PPP2R2B: variants seen among roughly 807,000 people sequenced by gnomAD.
The protein encoded by PPP2R2B is protein phosphatase 2 regulatory subunit Bbeta, also known as serine/threonine-protein phosphatase 2A 55 kDa regulatory subunit B beta isoform.
Under a neutral mutation model 46.0 loss-of-function variants are expected in PPP2R2B, and 5 were observed. That is an observed-to-expected ratio of 0.11 (90% CI 0.06 to 0.23). The LOEUF (loss-of-function observed/expected upper bound fraction) is 0.23, where lower values mean the gene tolerates loss of function less well. PPP2R2B is among the 10% of genes least tolerant of loss of function. The pLI, the probability that PPP2R2B is intolerant of heterozygous loss-of-function variation, is 1.00. For missense variants in PPP2R2B, 367 were observed against 575.0 expected (o/e 0.64, Z 3.70); for synonymous variants, 215 against 206.7 (o/e 1.04, Z -0.34).
At chr5:146,746,646 C>A (rs893439458) in intron 2 of PPP2R2B, among the ~76,000 whole-genome samples, 2 of 152,190 alleles carry the variant, frequency 1.3e-5, no homozygotes, top group African/African-American at 2.4e-5. Context: ...CTTGCGCTAC[C>A]CCTGCTATCC....
At position 146,878,343 on chromosome 5, in the gene PPP2R2B, G is replaced by T. The variant is rs902681537; in HGVS notation, c.-124-148C>A. 9.0e-6 allele frequency: 13 copies of T among 1,436,942 alleles called. No individual in the cohort carries two copies. Among genetic ancestry groups the T allele is most frequent in the African/African-American group, 5.7e-5 (4 of 69,590 alleles). 89.0% of individuals were successfully genotyped at this position (1,436,942 alleles called of 1,614,324 possible). A position where few individuals can be genotyped will look rare whatever the true frequency, so the allele number is the denominator to read the frequency against. On this transcript the variant is annotated intron_variant, in intron 1 of 9. Transcript: ENST00000394411. This position sits in a 1 kb window ranked among gnomAD's most constrained non-coding sequence, Gnocchi z 4.5. The stretch of plus-strand genomic sequence containing the variant: ...CTCCAGTTCCCAGCGAGGATGCTGC[G>T]CCTGCCTCCGCTGCCTCCGGGTGCC...
chr5:146,881,419 T>C (rs1363716582), upstream of PPP2R2B, among the ~76,000 whole-genome samples: 1 of 152,174 alleles, frequency 6.6e-6, no homozygotes, highest in Non-Finnish European at 1.5e-5. Flanking sequence ...TTATTTTATT[T>C]ATTTTATTTT....
At chr5:147,008,692 G>A (rs1204457663) in intron 1 of PPP2R2B, among the ~76,000 whole-genome samples, 2 of 152,116 alleles carry the variant, frequency 1.3e-5, no homozygotes, top group Non-Finnish European at 2.9e-5. Flanking sequence ...CTATGTCCCT[G>A]TGGTTGTTAC....
At chr5:146,603,086 A>C (rs1771936843) in intron 7 of PPP2R2B, among the ~76,000 whole-genome samples, 1 of 152,132 alleles carries the variant, frequency 6.6e-6, no homozygotes, top group Non-Finnish European at 1.5e-5. Flanking sequence ...TTACTACTCC[A>C]GCTTTAGTTT....
chr5:147,028,552 A>G (rs1273753527), intron 1 of PPP2R2B, among the ~76,000 whole-genome samples: 1 of 152,218 alleles, frequency 6.6e-6, no homozygotes. Context: ...TGTCCTTTGT[A>G]TAAATATCTC....
At chr5:146,744,846 A>G (rs534313544) in intron 2 of PPP2R2B, among the ~76,000 whole-genome samples, 2 of 152,230 alleles carry the variant, frequency 1.3e-5, no homozygotes, top group East Asian at 3.9e-4. Flanking sequence ...TCCTACTTTC[A>G]TGGTCATTCA....
At chr5:146,706,418 T>C (rs1581918947) in intron 2 of PPP2R2B, 4 of 904,050 alleles carry the variant, frequency 4.4e-6, no homozygotes, top group East Asian at 7.1e-5. Flanking sequence ...GGTCTTCGTA[T>C]GGATACTCAT....
chr5:146,695,206 T>C (rs1779105242), intron 4 of PPP2R2B, among the ~76,000 whole-genome samples: 1 of 152,176 alleles, frequency 6.6e-6, no homozygotes, highest in African/African-American at 2.4e-5. Flanking sequence ...AATTTATTTG[T>C]ATCTTTTTGC....
At chr5:146,983,211 T>C (rs575003399) in intron 1 of PPP2R2B, among the ~76,000 whole-genome samples, 110 of 123,806 alleles carry the variant, frequency 8.9e-4, no homozygotes, top group South Asian at 4.1e-3. Context: ...GACGGAGTCT[T>C]GCTCTGTCCC....
intron 1 of PPP2R2B, among the ~76,000 whole-genome samples, chr5:146,900,780 C>T (rs1295914576): frequency 2.0e-5 from 3 of 152,004 alleles, no homozygotes; most frequent in South Asian, 4.2e-4. Context: ...TAATGCCCCC[C>T]TCTCCCCGTG....
chr5:146,750,890 G>T (rs1451994077), intron 2 of PPP2R2B, among the ~76,000 whole-genome samples: 1 of 152,162 alleles, frequency 6.6e-6, no homozygotes, highest in East Asian at 1.9e-4. Context: ...CTCAGAATTA[G>T]AGACAACAAA....
At chr5:146,814,208 C>T (rs1372966689) in intron 2 of PPP2R2B, among the ~76,000 whole-genome samples, 2 of 151,118 alleles carry the variant, frequency 1.3e-5, no homozygotes, top group African/African-American at 2.4e-5. Context: ...AAAAAAAAAC[C>T]CTCCATATCC....
intron 2 of PPP2R2B, among the ~76,000 whole-genome samples, chr5:147,064,445 G>T (rs936404142): frequency 2.6e-5 from 4 of 152,120 alleles, no homozygotes; most frequent in Non-Finnish European, 5.9e-5. Context: ...AATATCCCCG[G>T]GGGTGCAAAA....
At chr5:146,628,105 C>A (rs1774180780) in intron 7 of PPP2R2B, among the ~76,000 whole-genome samples, 1 of 152,044 alleles carries the variant, frequency 6.6e-6, no homozygotes, top group Non-Finnish European at 1.5e-5. Context: ...CTACCATGCC[C>A]AGCTAATTTT....
At chr5:147,056,320 T>C (rs945292987), upstream of PPP2R2B, among the ~76,000 whole-genome samples, 2 of 152,136 alleles carry the variant, frequency 1.3e-5, no homozygotes, top group South Asian at 2.1e-4. Context: ...TTAATCTAGA[T>C]TTAGTTCTAT....
intron 1 of PPP2R2B, among the ~76,000 whole-genome samples, chr5:146,891,003 A>G (rs572448517): frequency 3.3e-5 from 5 of 152,196 alleles, no homozygotes; most frequent in African/African-American, 4.8e-5. Context: ...GTCCAAAGAA[A>G]GGTACACAGT....
intron 1 of PPP2R2B, among the ~76,000 whole-genome samples, chr5:147,003,029 G>A (rs1319919316): frequency 6.6e-6 from 1 of 152,024 alleles, no homozygotes; most frequent in Non-Finnish European, 1.5e-5. Flanking sequence ...GGGGAAAAAT[G>A]GCCACCTGAG....
rs537642037 is a variant in PPP2R2B at position 146,749,276 on chromosome 5, A to G, written c.71-48134T>C. Among the ~76,000 whole-genome samples the G allele has an allele frequency of 4.6e-5, 7 of 152,090 alleles. No homozygotes were observed. The South Asian group carries it at 1.5e-3, about 32-fold the overall frequency. On this transcript the variant is annotated intron_variant, in intron 2 of 9. Transcript: ENST00000394411. ...TTTAATGCTGTTTTGAGAGTTCTTTATATATTTTGGTAACTAGTCTTTGTC... is the reference window on the plus strand; with the variant it reads ...TTTAATGCTGTTTTGAGAGTTCTTTGTATATTTTGGTAACTAGTCTTTGTC...
chr5:147,032,525 C>T (rs569523199), intron 1 of PPP2R2B, among the ~76,000 whole-genome samples: 12 of 152,080 alleles, frequency 7.9e-5, no homozygotes, highest in South Asian at 2.1e-4. Context: ...CTCTTTCCCC[C>T]GAGTCCCCAA....
Sources: allele counts gnomAD v4.1 joint callset (sites outside exome capture counted in the v4.1 genomes callset), GRCh38; gene constraint gnomAD v4.1.1; non-coding constraint Gnocchi (gnomAD v3.1); transcripts MANE v1.5; gene names NCBI Gene and HGNC (gene_info 2026-07-23, HGNC 2026-07-21).